Variants in SSBP2 observed in about 807,000 individuals in gnomAD.
SSBP2 encodes the protein single stranded DNA binding protein 2.
SSBP2 carries 17 observed loss-of-function variants against 61.8 expected under a neutral mutation model. The ratio of observed to expected loss-of-function variants is 0.28; its 90% CI spans 0.19 to 0.41. The LOEUF (loss-of-function observed/expected upper bound fraction) is 0.41. Among genes scored for constraint, SSBP2 ranks in the 10% least tolerant of loss-of-function variants. The pLI is 1.00. For synonymous variants in SSBP2, 139 were observed against 141.3 expected (o/e 0.98, Z 0.12); for missense variants, 310 against 458.7 (o/e 0.68, Z 2.96).
chr5:81,681,086 A>C (rs1011259805), intron 1 of SSBP2, among the ~76,000 whole-genome samples: 13 of 152,254 alleles, frequency 8.5e-5, no homozygotes, highest in African/African-American at 3.1e-4. Context: ...TCAGACACAA[A>C]AGAATTAAAC....
Position 81,750,819 on chromosome 5 carries a change from G to C in SSBP2, c.62+162C>G, listed in dbSNP as rs1044673240. The stretch of plus-strand genomic sequence containing the variant: ...CGCCCGCACCTCCCGGGAAAGCGCA[G>C]CTCCCCGCACCACACGCCCCCATCG... On this transcript the variant is annotated intron_variant, in intron 1 of 16. Coordinates refer to ENST00000320672, the MANE Select transcript of SSBP2 (RefSeq NM_012446.5). 3 of 788,812 alleles carry C rather than the reference G, an allele frequency of 3.8e-6. No homozygotes were observed. In the African/African-American group the frequency reaches 5.4e-5, roughly 14 times the overall value. 48.9% of individuals were successfully genotyped at this position (788,812 alleles called of 1,614,324 possible).
intron 4 of SSBP2, among the ~76,000 whole-genome samples, chr5:81,588,084 G>A (rs1034717719): frequency 4.6e-5 from 7 of 152,024 alleles, no homozygotes; most frequent in Admixed American, 4.6e-4. Context: ...TCCCACCTCA[G>A]CCTCCCAAAG....
intron 10 of SSBP2, among the ~76,000 whole-genome samples, chr5:81,451,226 C>T (rs1247950691): frequency 2.0e-5 from 3 of 152,060 alleles, no homozygotes; most frequent in Non-Finnish European, 4.4e-5. Flanking sequence ...GTAAATATTT[C>T]GTCTTCCTGT....
chr5:81,633,398 G>A (rs192176517), intron 3 of SSBP2, among the ~76,000 whole-genome samples: 2 of 152,174 alleles, frequency 1.3e-5, no homozygotes, highest in Admixed American at 1.3e-4. Context: ...TTACAGGCAT[G>A]AGCCACCATA....
chr5:81,574,649 G>A (rs145564674), intron 4 of SSBP2, among the ~76,000 whole-genome samples: 171 of 151,884 alleles, frequency 1.1e-3, no homozygotes, highest in African/African-American at 4.0e-3. Flanking sequence ...AAGGTAAAAC[G>A]CGGCGAAAAC....
In SSBP2 at chr5:81,412,861, G is replaced by C. The variant is rs1454414261; in HGVS notation, c.*7643C>G. ...ACATATCTATTTGCTAATAACATTA[G>C]TTTTTTTTTGGCATTCCATGTTTAG... On this transcript the variant is annotated 3_prime_UTR_variant, in exon 17 of 17. Coordinates refer to ENST00000320672, the MANE Select transcript of SSBP2 (RefSeq NM_012446.5). 6.6e-6 allele frequency among the ~76,000 whole-genome samples: 1 copy of C among 151,332 alleles called. No individual in the cohort carries two copies. The highest frequency in any genetic ancestry group is 2.4e-5 in the African/African-American group (1 of 41,212).
At chr5:81,500,210 T>A (rs1002252730) in intron 5 of SSBP2, among the ~76,000 whole-genome samples, 1 of 152,180 alleles carries the variant, frequency 6.6e-6, no homozygotes, top group African/African-American at 2.4e-5. Context: ...GATGTTTCTA[T>A]AAAACATAAC....
chr5:81,633,108 C>CTTTTTT lies in SSBP2; in HGVS notation c.197+3443_197+3448dup, dbSNP rs143423636. ...CCTACCTTTTTAGCTGAGCCTCTGTCTTTTTTTTTTTTTTTTTTTTTTTTT... is the reference window on the plus strand; with the variant it reads ...CCTACCTTTTTAGCTGAGCCTCTGTCTTTTTTTTTTTTTTTTTTTTTTTTTTTTTTT... On this transcript the variant is annotated intron_variant, in intron 3 of 16. Coordinates refer to ENST00000320672, the MANE Select transcript of SSBP2 (RefSeq NM_012446.5). Among the ~76,000 whole-genome samples, 7 of 64,854 alleles carry CTTTTTT rather than the reference C, an allele frequency of 1.1e-4. 2 individuals carry two copies. The highest frequency in any genetic ancestry group is 4.6e-4 in the Admixed American group (2 of 4,316). 42.5% of individuals were successfully genotyped at this position (64,854 alleles called of 152,430 possible). A position where few individuals can be genotyped will look rare whatever the true frequency, so the allele number is the denominator to read the frequency against.
intron 1 of SSBP2, among the ~76,000 whole-genome samples, chr5:81,669,806 A>C (rs1266440328): frequency 6.6e-6 from 1 of 152,134 alleles, no homozygotes; most frequent in African/African-American, 2.4e-5. Context: ...TGAAGAAAAA[A>C]AGAAGGCAGA....
At chr5:81,656,188 AC>A (rs1335936131) in intron 1 of SSBP2, among the ~76,000 whole-genome samples, 2 of 152,084 alleles carry the variant, frequency 1.3e-5, no homozygotes, top group African/African-American at 4.8e-5. Flanking sequence ...AGTAGCTGGG[AC>A]TACAGGTGTG....
chr5:81,721,701 A>T (rs1314236455), intron 1 of SSBP2, among the ~76,000 whole-genome samples: 1 of 152,112 alleles, frequency 6.6e-6, no homozygotes, highest in Non-Finnish European at 1.5e-5. Flanking sequence ...TCAAAACCTG[A>T]ACTAAATTCT....
intron 1 of SSBP2, among the ~76,000 whole-genome samples, chr5:81,665,465 T>C (rs184911795): frequency 6.6e-5 from 10 of 151,890 alleles, no homozygotes; most frequent in Non-Finnish European, 1.5e-4. Flanking sequence ...CAACGTAAAA[T>C]AGATTAGGTT....
At chr5:81,558,891 A>G (rs777683866) in intron 4 of SSBP2, among the ~76,000 whole-genome samples, 47 of 152,224 alleles carry the variant, frequency 3.1e-4, no homozygotes, top group Admixed American at 5.2e-4. Context: ...AAACAGTGTC[A>G]TAATGCCTAG....
intron 5 of SSBP2, among the ~76,000 whole-genome samples, chr5:81,513,236 T>G (rs1322367744): frequency 1.3e-5 from 2 of 152,114 alleles, no homozygotes; most frequent in Non-Finnish European, 2.9e-5. Flanking sequence ...TAAATTATAA[T>G]TTAGTTATAT....
chr5:81,703,194 TTAAA>T (rs771075231), intron 1 of SSBP2, among the ~76,000 whole-genome samples: 3 of 152,236 alleles, frequency 2.0e-5, no homozygotes, highest in African/African-American at 4.8e-5. Context: ...TTCTAATTAA[TTAAA>T]TAACTTAATT....
intron 4 of SSBP2, among the ~76,000 whole-genome samples, chr5:81,567,552 G>C (rs952060424): frequency 2.6e-5 from 4 of 152,132 alleles, no homozygotes; most frequent in East Asian, 1.9e-4. Flanking sequence ...GGAAATGTGG[G>C]GTCAGATTCC....
intron 6 of SSBP2, among the ~76,000 whole-genome samples, chr5:81,482,465 T>C (rs1297822521): frequency 6.6e-6 from 1 of 152,192 alleles, no homozygotes; most frequent in Non-Finnish European, 1.5e-5. Flanking sequence ...AGCTAGATTT[T>C]CTGGGTTACT....
chr5:81,678,017 C>T (rs954367417), intron 1 of SSBP2, among the ~76,000 whole-genome samples: 6 of 152,114 alleles, frequency 3.9e-5, no homozygotes, highest in African/African-American at 1.4e-4. Flanking sequence ...GAAAAAATTA[C>T]ATGGCATATG....
At chr5:81,601,011 G>A (rs1744309328) in intron 4 of SSBP2, among the ~76,000 whole-genome samples, 1 of 152,172 alleles carries the variant, frequency 6.6e-6, no homozygotes, top group South Asian at 2.1e-4. Context: ...TTACCCAATA[G>A]TGTAATTGAC....
Sources: gnomAD v4.1 joint callset for allele counts (sites outside exome capture counted in the v4.1 genomes callset) on GRCh38, gnomAD v4.1.1 for gene constraint, MANE v1.5 for transcripts, NCBI Gene and HGNC (gene_info 2026-07-23, HGNC 2026-07-21) for gene names.